The following LTBP1 variants were observed in gnomAD, a reference collection of about 807,000 sequenced individuals.
The protein encoded by LTBP1 is latent-transforming growth factor beta-binding protein 1.
LTBP1 carries 129 observed loss-of-function variants against 207.6 expected under a neutral mutation model. The ratio of observed to expected loss-of-function variants is 0.62; its 90% CI spans 0.54 to 0.72. The LOEUF (loss-of-function observed/expected upper bound fraction) is 0.72, where lower values mean the gene tolerates loss of function less well. Among genes scored for constraint, LTBP1 ranks in the 30% least tolerant of loss-of-function variants. LTBP1 has a pLI of 0.00. For synonymous variants in LTBP1, 963 were observed against 833.7 expected, an observed-to-expected ratio of 1.16 and a Z score of -2.67; for missense variants, 2,281 against 2,217.2, an observed-to-expected ratio of 1.03 and a Z score of -0.58.
At chr2:33,189,368 A>T (rs539663439) in intron 7 of LTBP1, among the ~76,000 whole-genome samples, 9 of 152,172 alleles carry the variant, frequency 5.9e-5, no homozygotes, top group African/African-American at 1.9e-4. Flanking sequence ...GCTAACGTTT[A>T]TAATTTTAGT....
chr2:33,087,165 C>G (rs1381144039), intron 3 of LTBP1, among the ~76,000 whole-genome samples: 2 of 139,430 alleles, frequency 1.4e-5, no homozygotes, highest in African/African-American at 5.4e-5. Flanking sequence ...GATCATGGCT[C>G]CTGGGCTCCA....
At chr2:33,384,113 T>C (rs1193667656) in intron 31 of LTBP1, among the ~76,000 whole-genome samples, 1 of 152,196 alleles carries the variant, frequency 6.6e-6, no homozygotes, top group Non-Finnish European at 1.5e-5. Flanking sequence ...GGAGATTTCT[T>C]ATAGTAAGGA....
At chr2:33,210,643 A>G (rs112125877) in intron 7 of LTBP1, among the ~76,000 whole-genome samples, 1 of 152,176 alleles carries the variant, frequency 6.6e-6, no homozygotes, top group African/African-American at 2.4e-5. Flanking sequence ...TCTAATCTCA[A>G]ATTTGGAAAA....
At chr2:33,187,279 G>T (rs577619219) in intron 6 of LTBP1, among the ~76,000 whole-genome samples, 199 bp downstream of exon 6, 3 of 152,176 alleles carry the variant, frequency 2.0e-5, no homozygotes, top group Non-Finnish European at 4.4e-5. Context: ...TAGAGAGTTA[G>T]TGTCTAGGAA....
chr2:33,228,696 C>CTTTTTTTT (rs2091596297), intron 9 of LTBP1, among the ~76,000 whole-genome samples: 1 of 117,732 alleles, frequency 8.5e-6, no homozygotes, highest in Non-Finnish European at 1.7e-5. Context: ...AGGGTTATAC[C>CTTTTTTTT]CTTTTTTTTT....
chr2:33,380,999 G>A (rs541714754), intron 31 of LTBP1, among the ~76,000 whole-genome samples: 2 of 152,166 alleles, frequency 1.3e-5, no homozygotes, highest in Non-Finnish European at 2.9e-5. Context: ...AAATGAAGTG[G>A]TTTACCTGTC....
At chr2:33,139,081 A>G (rs2082419287) in intron 5 of LTBP1, among the ~76,000 whole-genome samples, 1 of 151,640 alleles carries the variant, frequency 6.6e-6, no homozygotes. Context: ...GATGGTCTCC[A>G]TCTCCTGACC....
At chr2:33,368,615 G>T (rs143291880) in intron 31 of LTBP1, among the ~76,000 whole-genome samples, 1 of 152,216 alleles carries the variant, frequency 6.6e-6, no homozygotes, top group Non-Finnish European at 1.5e-5. Flanking sequence ...CATGGCTTAC[G>T]CCTGTAGTCC....
intron 3 of LTBP1, among the ~76,000 whole-genome samples, chr2:33,049,240 C>G (rs2076604189): frequency 6.6e-6 from 1 of 152,018 alleles, no homozygotes; most frequent in Non-Finnish European, 1.5e-5. Flanking sequence ...AGTTTAAAAC[C>G]CAATAAAAAT....
At chr2:33,022,258 C>T (rs1281670796) in intron 3 of LTBP1, among the ~76,000 whole-genome samples, 5 of 139,704 alleles carry the variant, frequency 3.6e-5, no homozygotes, top group Non-Finnish European at 7.6e-5. Flanking sequence ...ATTCCCTCCT[C>T]AATCCTCTTT....
chr2:33,104,836 C>A (rs528818154), intron 3 of LTBP1, among the ~76,000 whole-genome samples: 1 of 152,126 alleles, frequency 6.6e-6, no homozygotes, highest in African/African-American at 2.4e-5. Flanking sequence ...TTCTTGCCCT[C>A]TCGAGAATAG....
chr2:32,955,016 C>T (rs1404753040), intron 2 of LTBP1, among the ~76,000 whole-genome samples: 2 of 152,272 alleles, frequency 1.3e-5, no homozygotes, highest in East Asian at 3.9e-4. Flanking sequence ...CCAGCGGGAC[C>T]ACTGGAAGGG....
intron 15 of LTBP1, among the ~76,000 whole-genome samples, chr2:33,272,297 C>A (rs76527367): frequency 0.055 from 8,426 of 152,228 alleles, 786 homozygotes; most frequent in African/African-American, 0.19. Context: ...AATAGCCCAC[C>A]TGCTTTTCTT....
intron 9 of LTBP1, among the ~76,000 whole-genome samples, chr2:33,234,090 T>G (rs2091924514): frequency 6.6e-6 from 1 of 152,196 alleles, no homozygotes; most frequent in Non-Finnish European, 1.5e-5. Flanking sequence ...CTGGCTTCTT[T>G]CACTCAACAG....
chr2:33,382,089 T>C lies in LTBP1; in HGVS notation c.4712-7095T>C, dbSNP rs1483060572. ...CCTACTGCTTCTTTTTTTTTTTTTT[T>C]TTTTTTTTTTTTTTTTTTTTTTTGA... On this transcript the variant is annotated intron_variant, in intron 31 of 33. Transcript: ENST00000404816. Among the ~76,000 whole-genome samples, 340 of 87,686 alleles carry C rather than the reference T, an allele frequency of 3.9e-3. 1 individual carries two copies. The highest frequency in any genetic ancestry group is 0.016 in the African/African-American group (330 of 21,080). 57.5% of individuals were successfully genotyped at this position (87,686 alleles called of 152,430 possible).
intron 31 of LTBP1, among the ~76,000 whole-genome samples, chr2:33,383,840 A>C (rs1370538302): frequency 6.6e-6 from 1 of 152,146 alleles, no homozygotes; most frequent in Non-Finnish European, 1.5e-5. Context: ...CCCAGCCCTG[A>C]CCTGTTTTTC....
chr2:33,278,600 C>T (rs2093494957), intron 18 of LTBP1, among the ~76,000 whole-genome samples: 1 of 152,068 alleles, frequency 6.6e-6, no homozygotes, highest in Non-Finnish European at 1.5e-5. Flanking sequence ...AGGGGAAAAG[C>T]CGAGGTGAGA....
intron 25 of LTBP1, 89 bp from the exon 26 acceptor site, chr2:33,347,278 A>G: frequency 1.3e-6 from 2 of 1,488,682 alleles, no homozygotes; most frequent in Admixed American, 1.8e-5. Flanking sequence ...CTTTTCAGCA[A>G]GACACTATTA....
chr2:33,072,104 G>A (rs967235709), intron 3 of LTBP1, among the ~76,000 whole-genome samples: 1 of 152,136 alleles, frequency 6.6e-6, no homozygotes, highest in African/African-American at 2.4e-5. Flanking sequence ...GTCAAGTTGG[G>A]GTTCCCATGA....
Sources: allele counts gnomAD v4.1 joint callset (sites outside exome capture counted in the v4.1 genomes callset), GRCh38; gene constraint gnomAD v4.1.1; transcripts MANE v1.5; gene names NCBI Gene and HGNC (gene_info 2026-07-23, HGNC 2026-07-21).